The following HIVEP2 variants were observed in gnomAD, a reference collection of about 807,000 sequenced individuals.
The protein encoded by HIVEP2 is HIVEP zinc finger 2, also known as transcription factor HIVEP2.
Under a neutral mutation model 180.7 loss-of-function variants are expected in HIVEP2, and 14 were observed. The ratio of observed to expected loss-of-function variants is 0.08; its 90% CI spans 0.05 to 0.12. HIVEP2 has a LOEUF of 0.12. Ranked by LOEUF, HIVEP2 falls within the 10% of genes least tolerant of loss-of-function variation. The pLI is 1.00. For synonymous variants in HIVEP2, 1,184 were observed against 1,136.4 expected (o/e 1.04, Z -0.84); for missense variants, 2,579 against 3,008.5 (o/e 0.86, Z 3.34).
At position 142,752,993 on chromosome 6, in the gene HIVEP2, C is replaced by T. The variant is rs886706430; in HGVS notation, c.*114G>A. ...GATATAACAAAAGTATATATAATAG[C>T]AAACTACTGTAACTTAGGACAGGCA... On this transcript the variant is annotated 3_prime_UTR_variant, in exon 10 of 10. Coordinates refer to ENST00000367603, the MANE Select transcript of HIVEP2 (RefSeq NM_006734.4). The T allele has an allele frequency of 8.8e-6, 6 of 682,418 alleles. No homozygotes were observed. Among genetic ancestry groups the T allele is most frequent in the Non-Finnish European group, 1.6e-5 (6 of 385,520 alleles). The allele number at this position is 682,418 out of a possible 1,614,324, so 42.3% of individuals were successfully genotyped here.
chr6:142,851,661 C>T (rs1258053060), intron 1 of HIVEP2, among the ~76,000 whole-genome samples: 1 of 152,202 alleles, frequency 6.6e-6, no homozygotes, highest in African/African-American at 2.4e-5. Flanking sequence ...GAGTCTGAAC[C>T]ATCCCTCTTG....
At chr6:142,836,091 G>A (rs749044567) in intron 2 of HIVEP2, among the ~76,000 whole-genome samples, 4 of 152,102 alleles carry the variant, frequency 2.6e-5, no homozygotes, top group Admixed American at 6.5e-5. Flanking sequence ...TTAGAATCAT[G>A]AATAACATTT....
intron 1 of HIVEP2, among the ~76,000 whole-genome samples, chr6:142,922,063 G>C (rs912427207): frequency 1.3e-5 from 2 of 151,124 alleles, no homozygotes; most frequent in Non-Finnish European, 3.0e-5. Flanking sequence ...TCTCTGTCTA[G>C]TCCACATCCT....
rs538262135 is a variant in HIVEP2, at chr6:142,764,747, T to C, written c.5518+52A>G. Reference sequence around the variant, plus strand: ...TTAGTTATAAAATAGCACTCAGAAATCTAAGTAGCCATAGAGAAGTATTTT... The same window carrying C: ...TTAGTTATAAAATAGCACTCAGAAACCTAAGTAGCCATAGAGAAGTATTTT... On this transcript the variant is annotated intron_variant, in intron 7 of 9. Coordinates refer to ENST00000367603, the MANE Select transcript of HIVEP2 (RefSeq NM_006734.4). 1.6e-5 allele frequency: 22 copies of C among 1,354,830 alleles called. No individual in the cohort carries two copies. The African/African-American group carries it at 2.6e-4, about 16-fold the overall frequency. The allele number at this position is 1,354,830 out of a possible 1,614,324, so 83.9% of individuals were successfully genotyped here.
intron 2 of HIVEP2, among the ~76,000 whole-genome samples, chr6:142,820,399 T>A (rs1310080463): frequency 6.6e-6 from 1 of 152,082 alleles, no homozygotes; most frequent in Non-Finnish European, 1.5e-5. Flanking sequence ...TTGGTATTGG[T>A]GGTGGTATAT....
chr6:142,816,273 G>C (rs753646927), intron 2 of HIVEP2, among the ~76,000 whole-genome samples: 4 of 152,298 alleles, frequency 2.6e-5, no homozygotes, highest in Non-Finnish European at 2.9e-5. Context: ...TGCATCTCAC[G>C]AGAGCCAAGA....
chr6:142,906,476 A>T, intron 1 of HIVEP2, among the ~76,000 whole-genome samples: 1 of 152,162 alleles, frequency 6.6e-6, no homozygotes. Flanking sequence ...CTCTTTAATT[A>T]TTATTAAAAT....
chr6:142,771,999 G>A lies in HIVEP2; in HGVS notation c.2740C>T (p.Pro914Ser). The change falls in exon 5 of 10, where the codon CCT becomes TCT. Residue 914 changes from proline (P) to serine (S), a missense_variant. This residue lies in a region of HIVEP2 where 51 missense variants were observed against 102.8 expected (regional missense o/e 0.50). Coordinates refer to ENST00000367603, the MANE Select transcript of HIVEP2 (RefSeq NM_006734.4). The surrounding 1 kb of genome is among the most constrained non-coding windows in gnomAD (Gnocchi z 5.4). ...KEAQSKEPEK[P>S]VEEFQWPQRS... ...TGGGGCCACTGAAATTCTTCCACAG[G>A]CTTCTCTGGCTCTTTGCTCTGGGCT... is the stretch of plus-strand genomic sequence containing the variant. 2 of 1,614,216 alleles carry A rather than the reference G, an allele frequency of 1.2e-6. No homozygotes were observed. The highest frequency in any genetic ancestry group is 1.1e-5 in the South Asian group (1 of 91,082).
intron 2 of HIVEP2, among the ~76,000 whole-genome samples, chr6:142,815,867 C>T (rs977736077): frequency 6.6e-6 from 1 of 152,186 alleles, no homozygotes; most frequent in Non-Finnish European, 1.5e-5. Context: ...TAATTCCCTT[C>T]TTTTGTGCCA....
Position 142,818,733 on chromosome 6 carries a change from A to AAAAGAAAGAAAG in HIVEP2, c.-528+18190_-528+18201dup, listed in dbSNP as rs766314719. Among the ~76,000 whole-genome samples, 106 of 41,750 alleles carry AAAAGAAAGAAAG rather than the reference A, an allele frequency of 2.5e-3. 1 individual carries two copies. Among genetic ancestry groups the AAAAGAAAGAAAG allele is most frequent in the Admixed American group, 3.5e-3 (10 of 2,888 alleles). 27.4% of individuals were successfully genotyped at this position (41,750 alleles called of 152,430 possible). Reference sequence around the variant, plus strand: ...AAAGAAAGAAAGAAAAGAAAGAAAGAAAAGAAAGAAAGAAAGAAAGAAAGA... The same window carrying AAAAGAAAGAAAG: ...AAAGAAAGAAAGAAAAGAAAGAAAGAAAAGAAAGAAAGAAAGAAAGAAAGAAAGAAAGAAAGA... On this transcript the variant is annotated intron_variant, in intron 2 of 9. Transcript: ENST00000367603.
chr6:142,758,196 G>T (rs182637789), intron 9 of HIVEP2, among the ~76,000 whole-genome samples: 1 of 152,348 alleles, frequency 6.6e-6, no homozygotes, highest in Non-Finnish European at 1.5e-5. Context: ...CTGTGGAAAT[G>T]TATCTCTTTT....
intron 1 of HIVEP2, among the ~76,000 whole-genome samples, chr6:142,892,632 T>G (rs1562281342): frequency 6.6e-6 from 1 of 152,138 alleles, no homozygotes; most frequent in Non-Finnish European, 1.5e-5. Context: ...CGAGAAGACA[T>G]GTGAGCAAAT....
chr6:142,764,216 T>A (rs187648265), intron 7 of HIVEP2, among the ~76,000 whole-genome samples: 1,957 of 152,014 alleles, frequency 0.013, 43 homozygotes, highest in African/African-American at 0.043. Flanking sequence ...AAACAGATTT[T>A]AAAAAAAAAT....
intron 1 of HIVEP2, among the ~76,000 whole-genome samples, chr6:142,937,572 G>C (rs771204099): frequency 6.6e-6 from 1 of 152,242 alleles, no homozygotes; most frequent in South Asian, 2.1e-4. Flanking sequence ...TCTTAATCCC[G>C]TGGGCTACCT....
At chr6:142,867,301 T>C (rs578018686) in intron 1 of HIVEP2, among the ~76,000 whole-genome samples, 1 of 152,290 alleles carries the variant, frequency 6.6e-6, no homozygotes, top group African/African-American at 2.4e-5. Flanking sequence ...AGACTACACA[T>C]CAGTGGTCTT....
At chr6:142,913,027 T>C (rs1256209286) in intron 1 of HIVEP2, among the ~76,000 whole-genome samples, 1 of 152,174 alleles carries the variant, frequency 6.6e-6, no homozygotes, top group Non-Finnish European at 1.5e-5. Flanking sequence ...TTGGAGGTAT[T>C]GTTATCCCCA....
chr6:142,926,348 G>A (rs1357370267), intron 1 of HIVEP2, among the ~76,000 whole-genome samples: 2 of 152,186 alleles, frequency 1.3e-5, no homozygotes, highest in Admixed American at 6.5e-5. Context: ...CTAAAATCAT[G>A]AACACTGAGA....
chr6:142,802,203 G>A (rs1350572452), intron 2 of HIVEP2, among the ~76,000 whole-genome samples: 1 of 152,150 alleles, frequency 6.6e-6, no homozygotes, highest in Non-Finnish European at 1.5e-5. Context: ...TCTGCAACAA[G>A]GATTCAATCT....
chr6:142,920,639 A>C lies in HIVEP2; in HGVS notation c.-641+24460T>G, dbSNP rs530833468. On this transcript the variant is annotated intron_variant, in intron 1 of 9. Coordinates refer to ENST00000367603, the MANE Select transcript of HIVEP2 (RefSeq NM_006734.4). ...AAAAGGGATGAGGTACCTACCACCAACAAGGAGATAAAAAATTTTATACTC... is the reference window on the plus strand; with the variant it reads ...AAAAGGGATGAGGTACCTACCACCACCAAGGAGATAAAAAATTTTATACTC... Among the ~76,000 whole-genome samples, 9 of 152,316 alleles carry C rather than the reference A, an allele frequency of 5.9e-5. No individual in the cohort carries two copies. In the South Asian group the frequency reaches 1.0e-3, roughly 18 times the overall value.
Sources: allele counts gnomAD v4.1 joint callset (sites outside exome capture counted in the v4.1 genomes callset), GRCh38; gene constraint gnomAD v4.1.1; regional missense constraint gnomAD v4.1.1; non-coding constraint Gnocchi (gnomAD v3.1); transcripts MANE v1.5; gene names NCBI Gene and HGNC (gene_info 2026-07-23, HGNC 2026-07-21).